Variants in ANKS1B observed in about 807,000 individuals in gnomAD.
ANKS1B encodes ankyrin repeat and sterile alpha motif domain-containing protein 1B.
ANKS1B carries 36 observed loss-of-function variants against 148.3 expected under a neutral mutation model. The observed-to-expected ratio is 0.24, with a 90% CI of 0.19 to 0.32. The LOEUF (loss-of-function observed/expected upper bound fraction) is 0.32, where lower values mean the gene tolerates loss of function less well. Ranked by LOEUF, ANKS1B falls within the 10% of genes least tolerant of loss-of-function variation. ANKS1B has a pLI of 1.00. For synonymous variants in ANKS1B, 542 were observed against 560.8 expected (o/e 0.97, Z 0.47); for missense variants, 1,157 against 1,542.6 (o/e 0.75, Z 4.19).
At chr12:99,272,777 C>T (rs1324098580) in intron 12 of ANKS1B, among the ~76,000 whole-genome samples, 2 of 152,074 alleles carry the variant, frequency 1.3e-5, no homozygotes, top group Non-Finnish European at 2.9e-5. Flanking sequence ...CTTCTCTAGA[C>T]CATTTGAGAG....
intron 1 of ANKS1B, among the ~76,000 whole-genome samples, chr12:99,907,991 T>C (rs2093853945): frequency 6.6e-6 from 1 of 152,172 alleles, no homozygotes; most frequent in Non-Finnish European, 1.5e-5. Context: ...TTAAAAGCTA[T>C]GGTTCCTTTG....
intron 9 of ANKS1B, among the ~76,000 whole-genome samples, chr12:99,640,143 G>A (rs1387360934): frequency 2.0e-5 from 3 of 151,966 alleles, no homozygotes; most frequent in Non-Finnish European, 2.9e-5. Flanking sequence ...CTGCACTCCA[G>A]CCTGGGTGAG....
At chr12:99,944,387 A>G (rs1042419533) in intron 1 of ANKS1B, among the ~76,000 whole-genome samples, 3 of 152,204 alleles carry the variant, frequency 2.0e-5, no homozygotes, top group African/African-American at 7.2e-5. Flanking sequence ...CCTCCTTCCC[A>G]GTGGCCCTTG....
chr12:99,777,742 G>A (rs1231862311), intron 6 of ANKS1B, among the ~76,000 whole-genome samples: 4 of 151,736 alleles, frequency 2.6e-5, no homozygotes, highest in Admixed American at 6.6e-5. Context: ...CCACCACCGC[G>A]CCCGGCTAAG....
chr12:98,869,330 T>C (rs2099641477), intron 17 of ANKS1B, among the ~76,000 whole-genome samples: 1 of 151,920 alleles, frequency 6.6e-6, no homozygotes, highest in South Asian at 2.1e-4. Context: ...CATTCAAGAG[T>C]GAGCTGCTCC....
chr12:99,449,196 A>G (rs538432616), intron 10 of ANKS1B, among the ~76,000 whole-genome samples: 52 of 152,280 alleles, frequency 3.4e-4, no homozygotes, highest in African/African-American at 1.2e-3. Context: ...AATGGCAAAT[A>G]CAATTGGCTT....
intron 12 of ANKS1B, among the ~76,000 whole-genome samples, chr12:99,397,075 G>A (rs970986775): frequency 2.0e-5 from 3 of 152,016 alleles, no homozygotes; most frequent in African/African-American, 7.3e-5. Context: ...CTATAAAACT[G>A]CATTTAGTAC....
At chr12:99,736,462 A>G (rs10860499) in intron 8 of ANKS1B, among the ~76,000 whole-genome samples, 66,134 of 151,488 alleles carry the variant, frequency 0.44, 14,821 homozygotes, top group South Asian at 0.61. Flanking sequence ...AAAATGACAT[A>G]GCTGAAAAAG....
chr12:99,687,418 C>A (rs1370258340), intron 8 of ANKS1B, among the ~76,000 whole-genome samples: 1 of 152,132 alleles, frequency 6.6e-6, no homozygotes, highest in Admixed American at 6.5e-5. Context: ...ATTTTCTCAA[C>A]TAATTTTTCT....
intron 9 of ANKS1B, among the ~76,000 whole-genome samples, chr12:99,632,732 T>TAG: frequency 3.6e-5 from 1 of 27,744 alleles, no homozygotes; most frequent in South Asian, 1.3e-3. Flanking sequence ...TCTTTCTATA[T>TAG]ATATATATAT....
At chr12:98,853,443 G>GT (rs1225170121) in intron 17 of ANKS1B, among the ~76,000 whole-genome samples, 1 of 152,106 alleles carries the variant, frequency 6.6e-6, no homozygotes, top group Non-Finnish European at 1.5e-5. Context: ...CCATCACAAC[G>GT]TAAGCATGCT....
chr12:98,813,998 A>G (rs2099118702), intron 19 of ANKS1B, among the ~76,000 whole-genome samples: 1 of 152,108 alleles, frequency 6.6e-6, no homozygotes, highest in Non-Finnish European at 1.5e-5. Context: ...CTCCTGCCTC[A>G]ACCTCTTGAG....
intron 5 of ANKS1B, among the ~76,000 whole-genome samples, chr12:99,780,601 G>T (rs1406273698): frequency 1.3e-5 from 2 of 152,046 alleles, no homozygotes; most frequent in Non-Finnish European, 2.9e-5. Context: ...GTATCTTTGG[G>T]TTATAACTAT....
In ANKS1B at chr12:98,939,765, A is replaced by T. The variant is rs546792269; in HGVS notation, c.2779-107629T>A. 8.5e-5 allele frequency among the ~76,000 whole-genome samples: 13 copies of T among 152,364 alleles called. No individual in the cohort carries two copies. In the South Asian group the frequency reaches 2.7e-3, roughly 32 times the overall value. On this transcript the variant is annotated intron_variant, in intron 17 of 26. Transcript: ENST00000683438. ...ATATTTCTTGGAGGAACACTTTTAA[A>T]GAAAATGGCTTCAAAGATTCCCAGG...
intron 8 of ANKS1B, among the ~76,000 whole-genome samples, chr12:99,728,226 C>A (rs1360157311): frequency 6.6e-6 from 1 of 151,916 alleles, no homozygotes; most frequent in African/African-American, 2.4e-5. Context: ...TGCCATCTAC[C>A]CATTTGACAA....
In ANKS1B at chr12:99,443,874, A is replaced by G. The variant is rs2095590230; in HGVS notation, c.1439-65T>C. ...AGTTTACCTTTTAAGACTTGAAATT[A>G]ATTTTCTGAACATAAATTGAGATTT... On this transcript the variant is annotated intron_variant, in intron 10 of 26. Coordinates refer to ENST00000683438, the MANE Select transcript of ANKS1B (RefSeq NM_001352186.2). 2.6e-6 allele frequency: 4 copies of G among 1,515,490 alleles called. No individual in the cohort carries two copies. The East Asian group carries it at 6.9e-5, about 26-fold the overall frequency. 93.9% of individuals were successfully genotyped at this position (1,515,490 alleles called of 1,614,324 possible). A position where few individuals can be genotyped will look rare whatever the true frequency, so the allele number is the denominator to read the frequency against.
chr12:99,734,327 T>C (rs927914263), intron 8 of ANKS1B, among the ~76,000 whole-genome samples: 2 of 152,104 alleles, frequency 1.3e-5, no homozygotes, highest in African/African-American at 4.8e-5. Context: ...TTTTTTGCTC[T>C]TGTTGCCCAG....
intron 10 of ANKS1B, among the ~76,000 whole-genome samples, chr12:99,459,744 G>T (rs1345377314): frequency 1.3e-5 from 2 of 151,742 alleles, no homozygotes; most frequent in Non-Finnish European, 2.9e-5. Context: ...ATTGCTGAAA[G>T]AAATCATAGA....
At chr12:99,230,341 G>A (rs964399138) in intron 14 of ANKS1B, among the ~76,000 whole-genome samples, 4 of 152,068 alleles carry the variant, frequency 2.6e-5, no homozygotes, top group African/African-American at 9.7e-5. Context: ...TATGTTAGCA[G>A]ATGTTAGTTG....
Sources: gnomAD v4.1 joint callset for allele counts (sites outside exome capture counted in the v4.1 genomes callset) on GRCh38, gnomAD v4.1.1 for gene constraint, MANE v1.5 for transcripts, NCBI Gene and HGNC (gene_info 2026-07-23, HGNC 2026-07-21) for gene names.